AKAP6: variants seen among roughly 807,000 people sequenced by gnomAD.
The protein encoded by AKAP6 is A-kinase anchoring protein 6.
Under a neutral mutation model 188.5 loss-of-function variants are expected in AKAP6, and 58 were observed. The observed-to-expected ratio is 0.31, with a 90% confidence interval of 0.25 to 0.38. The LOEUF is 0.38. AKAP6 is among the 10% of genes least tolerant of loss of function. The probability of loss-of-function intolerance (pLI) is 1.00; values close to 1 mark genes in which losing one functional copy is unlikely to be tolerated. For synonymous variants in AKAP6, 989 were observed against 998.6 expected (o/e 0.99, Z 0.18); for missense variants, 2,710 against 2,740.0 (o/e 0.99, Z 0.24).
chr14:32,530,676 T>G (rs1207039629), intron 2 of AKAP6, among the ~76,000 whole-genome samples: 10 of 152,150 alleles, frequency 6.6e-5, no homozygotes, highest in Admixed American at 6.5e-4. Flanking sequence ...CAAGAGTTAT[T>G]ACAGTAAGCA....
chr14:32,717,846 C>G (rs1461848340), intron 9 of AKAP6, among the ~76,000 whole-genome samples: 2 of 152,104 alleles, frequency 1.3e-5, no homozygotes. Flanking sequence ...TCAGTGAGAA[C>G]TCTCCTATCT....
intron 12 of AKAP6, among the ~76,000 whole-genome samples, chr14:32,804,426 C>T (rs962354393): frequency 7.2e-5 from 11 of 152,072 alleles, no homozygotes; most frequent in Non-Finnish European, 1.6e-4. Context: ...GAGTCTCAGA[C>T]CAGCAAGTTT....
At chr14:32,397,263 G>A (rs1056202308) in intron 1 of AKAP6, among the ~76,000 whole-genome samples, 1 of 152,172 alleles carries the variant, frequency 6.6e-6, no homozygotes, top group African/African-American at 2.4e-5. Flanking sequence ...CAAGGCCATG[G>A]TGCCAAGAAG....
chr14:32,787,554 C>T (rs1211938863), intron 12 of AKAP6, among the ~76,000 whole-genome samples: 2 of 152,102 alleles, frequency 1.3e-5, no homozygotes, highest in South Asian at 2.1e-4. Flanking sequence ...AGAATTACTA[C>T]ATTTAGAAAA....
chr14:32,599,052 G>T lies in AKAP6; in HGVS notation c.2470-358G>T, dbSNP rs540694157. On this transcript the variant is annotated intron_variant, in intron 5 of 13. Coordinates refer to ENST00000280979, the MANE Select transcript of AKAP6 (RefSeq NM_004274.5). ...CCAATTTTTTATGGTTTCATAAATAGTGCTATCACTAACATTTCTAAAAAA... is the reference window on the plus strand; with the variant it reads ...CCAATTTTTTATGGTTTCATAAATATTGCTATCACTAACATTTCTAAAAAA... Among the ~76,000 whole-genome samples the T allele has an allele frequency of 3.9e-5, 6 of 152,206 alleles. No homozygotes were observed. The East Asian group carries it at 9.7e-4, about 25-fold the overall frequency.
At chr14:32,454,472 G>A (rs1430967246) in intron 2 of AKAP6, among the ~76,000 whole-genome samples, 1 of 152,168 alleles carries the variant, frequency 6.6e-6, no homozygotes, top group African/African-American at 2.4e-5. Context: ...CCTGACTCCC[G>A]TGCCACAAGG....
chr14:32,744,921 A>G (rs1469151384), intron 11 of AKAP6, among the ~76,000 whole-genome samples: 2 of 152,104 alleles, frequency 1.3e-5, no homozygotes, highest in Admixed American at 6.5e-5. Flanking sequence ...CAGTATGCCA[A>G]CTGCATTTTT....
Position 32,613,612 on chromosome 14 carries a change from C to T in AKAP6, c.2730+12820C>T, listed in dbSNP as rs10483417. On this transcript the variant is annotated intron_variant, in intron 7 of 13. Transcript: ENST00000280979. ...ATAAACTTGTGATTCTGATGCTAAG[C>T]GGGCTCAATAGCATCAGTGATAATG... Among the ~76,000 whole-genome samples the T allele has an allele frequency of 6.4e-3, 970 of 152,226 alleles. 51 individuals carry two copies. The East Asian group carries it at 0.12, about 19-fold the overall frequency.
At chr14:32,773,916 A>G in intron 12 of AKAP6, 23 bp downstream of exon 12, 3 of 1,602,494 alleles carry the variant, frequency 1.9e-6, no homozygotes, top group Non-Finnish European at 2.6e-6. Flanking sequence ...TTTTTTAAGC[A>G]TAATTGTCTG....
chr14:32,773,237 G>C (rs1296746598), intron 11 of AKAP6, among the ~76,000 whole-genome samples: 1 of 152,002 alleles, frequency 6.6e-6, no homozygotes, highest in Non-Finnish European at 1.5e-5. Context: ...TCAGCCAGTA[G>C]AAAACTGAAC....
In AKAP6 at chr14:32,735,890, A is replaced by G; in HGVS notation, c.3372+8A>G. On this transcript the variant is annotated splice_region_variant and intron_variant, in intron 11 of 13. Transcript: ENST00000280979. ...CAACTGCAATACTTTAAGGTAATAA[A>G]AAAACAATCAAAGTTGATAAAAAGC... is the stretch of plus-strand genomic sequence containing the variant. The G allele has an allele frequency of 1.3e-6, 2 of 1,566,830 alleles. No homozygotes were observed. Among genetic ancestry groups the G allele is most frequent in the Non-Finnish European group, 1.7e-6 (2 of 1,158,308 alleles).
chr14:32,659,285 T>C (rs886194364), intron 7 of AKAP6, among the ~76,000 whole-genome samples: 1 of 152,156 alleles, frequency 6.6e-6, no homozygotes, highest in African/African-American at 2.4e-5. Context: ...AGAAGTTACC[T>C]GTTCAAGTAA....
chr14:32,676,269 ATGTT>A (rs1889421557), intron 7 of AKAP6, among the ~76,000 whole-genome samples: 1 of 152,068 alleles, frequency 6.6e-6, no homozygotes, highest in African/African-American at 2.4e-5. Context: ...AAAAATTTGT[ATGTT>A]CTTTTAAAAG....
intron 2 of AKAP6, among the ~76,000 whole-genome samples, chr14:32,534,911 G>A (rs1021310508): frequency 3.4e-5 from 5 of 148,716 alleles, no homozygotes; most frequent in Non-Finnish European, 5.9e-5. Flanking sequence ...GTTGCAGTGA[G>A]CTGAGATTGC....
At chr14:32,782,456 A>T (rs1390608054) in intron 12 of AKAP6, among the ~76,000 whole-genome samples, 1 of 152,206 alleles carries the variant, frequency 6.6e-6, no homozygotes, top group Non-Finnish European at 1.5e-5. Context: ...GTCAATTAAG[A>T]AGCAAAATTA....
chr14:32,577,571 A>C (rs1884784794), intron 5 of AKAP6, among the ~76,000 whole-genome samples: 1 of 152,182 alleles, frequency 6.6e-6, no homozygotes, highest in African/African-American at 2.4e-5. Flanking sequence ...TAAATGAAAG[A>C]GATGATTTTG....
intron 9 of AKAP6, among the ~76,000 whole-genome samples, chr14:32,706,757 G>A (rs1010140785): frequency 1.3e-5 from 2 of 152,004 alleles, no homozygotes; most frequent in Non-Finnish European, 2.9e-5. Context: ...AAGAAGGAAG[G>A]AGTGGTCTTC....
chr14:32,347,441 C>T (rs1887105968), intron 1 of AKAP6, among the ~76,000 whole-genome samples: 1 of 152,242 alleles, frequency 6.6e-6, no homozygotes, highest in South Asian at 2.1e-4. Context: ...CACACACCCA[C>T]TTTCGGACTG....
intron 5 of AKAP6, among the ~76,000 whole-genome samples, chr14:32,585,142 G>T (rs1396694979): frequency 6.6e-6 from 1 of 151,308 alleles, no homozygotes; most frequent in Non-Finnish European, 1.5e-5. Context: ...ATATCCATTT[G>T]CTCCTGAAAT....
Sources: allele counts gnomAD v4.1 joint callset (sites outside exome capture counted in the v4.1 genomes callset), GRCh38; gene constraint gnomAD v4.1.1; transcripts MANE v1.5; gene names NCBI Gene and HGNC (gene_info 2026-07-23, HGNC 2026-07-21).